SLC5A9: variants seen among roughly 807,000 people sequenced by gnomAD.
SLC5A9 encodes the protein solute carrier family 5 member 9, also known as sodium/glucose cotransporter 4.
Under a neutral mutation model 70.9 loss-of-function variants are expected in SLC5A9, and 59 were observed. The observed-to-expected ratio is 0.83, with a 90% CI of 0.68 to 1.03. SLC5A9 has a LOEUF of 1.03. Ranked by LOEUF, SLC5A9 falls within the 50% of genes least tolerant of loss-of-function variation. SLC5A9 has a pLI of 0.00. For synonymous variants in SLC5A9, 340 were observed against 346.5 expected (o/e 0.98, Z 0.21); for missense variants, 832 against 881.1 (o/e 0.94, Z 0.71).
chr1:48,237,031 G>A (rs1644335807), intron 10 of SLC5A9, among the ~76,000 whole-genome samples: 1 of 152,124 alleles, frequency 6.6e-6, no homozygotes. Context: ...CAATCAGTGA[G>A]GTTTGTGCTC....
chr1:48,239,855 G>A lies in SLC5A9; in HGVS notation c.1677+318G>A, dbSNP rs1241751092. Among the ~76,000 whole-genome samples the A allele has an allele frequency of 6.6e-6, 1 of 152,228 alleles. No homozygotes were observed. The highest frequency in any genetic ancestry group is 1.5e-5 in the Non-Finnish European group (1 of 68,044). On this transcript the variant is annotated intron_variant, in intron 12 of 13. Transcript: ENST00000438567. The surrounding 1 kb of genome is among the most constrained non-coding windows in gnomAD (Gnocchi z 4.2). ...TATCACTATACAAAGAGAAAGTGCA[G>A]AAGGACCAAGCTCAACCAGAGGGGC... is the stretch of plus-strand genomic sequence containing the variant.
chr1:48,239,347 G>C lies in SLC5A9; in HGVS notation c.1487G>C (p.Gly496Ala), dbSNP rs186369129. The C allele has an allele frequency of 1.2e-6, 2 of 1,612,754 alleles. No individual in the cohort carries two copies. Among genetic ancestry groups the C allele is most frequent in the East Asian group, 4.5e-5 (2 of 44,824 alleles). Residue 496 changes from glycine (G) to alanine (A), a missense_variant, in exon 12 of 14, where the codon GGC (glycine) becomes GCC (alanine). Physicochemically the swap from Gly to Ala is moderately conservative, Grantham distance 60. Coordinates refer to ENST00000438567, the MANE Select transcript of SLC5A9 (RefSeq NM_001011547.3). This position sits in a 1 kb window ranked among gnomAD's most constrained non-coding sequence, Gnocchi z 4.2. Reference protein sequence around the residue: ...EPGAFWGLVFGLGVGLLRMIL... With the variant: ...EPGAFWGLVFALGVGLLRMIL... The stretch of plus-strand genomic sequence containing the variant: ...GGAGCTTTCTGGGGCCTCGTGTTTG[G>C]CCTGGGAGTGGGGCTTCTGCGTATG...
rs375041215 is a variant in SLC5A9, at chr1:48,229,304, C to T, written c.349C>T (p.Leu117=). The change falls in exon 4 of 14, where the codon CTG becomes TTG. Residue 117 remains leucine (L), a synonymous_variant. Coordinates refer to ENST00000438567, the MANE Select transcript of SLC5A9 (RefSeq NM_001011547.3). ...VGGFEWNATW[L]LLALGWVFVP... Reference sequence around the variant, plus strand: ...CTCCCCACTCTCCCAGGCAACCTGGCTGCTCCTGGCCCTTGGCTGGGTCTT... The same window carrying T: ...CTCCCCACTCTCCCAGGCAACCTGGTTGCTCCTGGCCCTTGGCTGGGTCTT... The T allele has an allele frequency of 9.3e-6, 15 of 1,614,082 alleles. No individual in the cohort carries two copies. In the African/African-American group the frequency reaches 1.9e-4, roughly 20 times the overall value.
intron 4 of SLC5A9, 27 bp from the exon 5 acceptor site, chr1:48,230,573 G>C (rs1644233578): frequency 6.3e-7 from 1 of 1,583,318 alleles, no homozygotes; most frequent in Non-Finnish European, 8.7e-7. Context: ...CGGGTGGTCT[G>C]GCCTCTTGGG....
At chr1:48,242,986 G>A (rs1422835261) in intron 13 of SLC5A9, among the ~76,000 whole-genome samples, 1 of 120,252 alleles carries the variant, frequency 8.3e-6, no homozygotes, top group African/African-American at 2.7e-5. Context: ...GTAAAGAAGG[G>A]CATGGCTGAG....
rs776880116 is a variant in SLC5A9, at chr1:48,228,535, C to T, written c.235-315C>T. On this transcript the variant is annotated intron_variant, in intron 2 of 13. Transcript: ENST00000438567. The stretch of plus-strand genomic sequence containing the variant: ...CTTTGGAGGCCCTCAGACCCATGGC[C>T]TCAGGGCGGAGGTCCACACTCCCCA... 4 of 327,896 alleles carry T rather than the reference C, an allele frequency of 1.2e-5. No homozygotes were observed. The East Asian group carries it at 2.2e-4, about 18-fold the overall frequency. 20.3% of individuals were successfully genotyped at this position (327,896 alleles called of 1,614,324 possible). A position where few individuals can be genotyped will look rare whatever the true frequency, so the allele number is the denominator to read the frequency against.
chr1:48,227,160 TGTCA>T (rs1295110064), intron 2 of SLC5A9, among the ~76,000 whole-genome samples: 1 of 137,260 alleles, frequency 7.3e-6, no homozygotes, highest in African/African-American at 2.6e-5. Context: ...TGAGTGTGTG[TGTCA>T]GAGTGTGTGT....
In SLC5A9 at chr1:48,242,573, T is replaced by C. The variant is rs746868514; in HGVS notation, c.1794T>C (p.Gly598=). 6.8e-6 allele frequency: 11 copies of C among 1,611,842 alleles called. No individual in the cohort carries two copies. In the East Asian group the frequency reaches 2.5e-4, roughly 36 times the overall value. Residue 598 remains glycine, a synonymous_variant, in exon 13 of 14, where the codon GGT becomes GGC. Coordinates refer to ENST00000438567, the MANE Select transcript of SLC5A9 (RefSeq NM_001011547.3). ...CAGCCGGGGAGTGCCCTGCAGGAGG[T>C]GGAGCGGCAGAGAACTCGAGCCTGG... ...ERPAGECPAG[G]GAAENSSLGQ...
At chr1:48,228,661 C>T (rs1223540162) in intron 2 of SLC5A9, 189 bp from the exon 3 acceptor site, 4 of 919,946 alleles carry the variant, frequency 4.3e-6, no homozygotes, top group Non-Finnish European at 6.3e-6. Flanking sequence ...TTAGTTCCTT[C>T]CTCTGTAACC....
At chr1:48,237,643 C>CCACACCACACCCACT in intron 10 of SLC5A9, 36 bp from the exon 11 acceptor site, 1 of 1,604,994 alleles carries the variant, frequency 6.2e-7, no homozygotes, top group Non-Finnish European at 8.5e-7. Flanking sequence ...CATGCCCACC[C>CCACACCACACCCACT]GAGTGTGCCT....
In SLC5A9 at chr1:48,232,479, T is replaced by C; in HGVS notation, c.1010T>C (p.Met337Thr). The C allele has an allele frequency of 1.9e-6, 3 of 1,614,194 alleles. No homozygotes were observed. In the South Asian group the frequency reaches 3.3e-5, roughly 18 times the overall value. Residue 337 changes from methionine (M) to threonine (T), a missense_variant, in exon 8 of 14, where the codon ATG (methionine) becomes ACG (threonine). By Grantham distance (81) the Met-to-Thr change is moderately conservative. Coordinates refer to ENST00000438567, the MANE Select transcript of SLC5A9 (RefSeq NM_001011547.3). ...LPMFFIVMPG[M>T]ISRALFPDEV... The stretch of plus-strand genomic sequence containing the variant: ...ATGTTCTTCATCGTCATGCCTGGCA[T>C]GATCAGCCGGGCCCTGTTCCCAGGT...
At chr1:48,244,340 C>T (rs1355719469) in intron 13 of SLC5A9, among the ~76,000 whole-genome samples, 3 of 152,146 alleles carry the variant, frequency 2.0e-5, no homozygotes, top group South Asian at 2.1e-4. Context: ...ACTCAGTTCT[C>T]GTGACTTTGC....
intron 13 of SLC5A9, among the ~76,000 whole-genome samples, chr1:48,245,897 G>C (rs1222297821): frequency 1.3e-5 from 2 of 151,742 alleles, no homozygotes; most frequent in Non-Finnish European, 2.9e-5. Context: ...GGAGGTTGAG[G>C]CTACAGTGAG....
At chr1:48,230,008 G>T (rs1279733231) in intron 4 of SLC5A9, among the ~76,000 whole-genome samples, 1 of 152,196 alleles carries the variant, frequency 6.6e-6, no homozygotes, top group Non-Finnish European at 1.5e-5. Flanking sequence ...GAATCACTCC[G>T]TTGCCAGGTC....
chr1:48,231,904 C>T, intron 6 of SLC5A9, 42 bp from the exon 7 acceptor site: 1 of 1,612,196 alleles, frequency 6.2e-7, no homozygotes. Flanking sequence ...GTGACAGGCT[C>T]AGTGGGGTTT....
Position 48,239,418 on chromosome 1 carries a change from C to CGGA in SLC5A9, c.1561_1563dup (p.Arg521dup). On this transcript the variant is annotated inframe_insertion, in exon 12 of 14. Transcript: ENST00000438567. This position sits in a 1 kb window ranked among gnomAD's most constrained non-coding sequence, Gnocchi z 4.2. ...AGCGCCAGCCTGTGGGGAGGTGGAC[C>CGGA]GGAGGCCAGCAGTGCTGAAGGACTT... 3 of 1,614,144 alleles carry CGGA rather than the reference C, an allele frequency of 1.9e-6. No homozygotes were observed. Among genetic ancestry groups the CGGA allele is most frequent in the Non-Finnish European group, 2.5e-6 (3 of 1,180,022 alleles).
At chr1:48,235,916 C>CT in intron 10 of SLC5A9, 37 bp downstream of exon 10, 1 of 1,613,076 alleles carries the variant, frequency 6.2e-7, no homozygotes, top group Non-Finnish European at 8.5e-7. Flanking sequence ...CCGAAGTGCC[C>CT]TCTCCCCTCT....
chr1:48,248,271 C>A lies in SLC5A9; in HGVS notation c.*728C>A, dbSNP rs1053743573. The A allele has an allele frequency of 2.0e-5, 3 of 152,356 alleles. No individual in the cohort carries two copies. The East Asian group carries it at 5.8e-4, about 29-fold the overall frequency. The allele number at this position is 152,356 out of a possible 1,614,324, so 9.4% of individuals were successfully genotyped here. A position where few individuals can be genotyped will look rare whatever the true frequency, so the allele number is the denominator to read the frequency against. On this transcript the variant is annotated 3_prime_UTR_variant, in exon 14 of 14. Transcript: ENST00000438567. Reference sequence around the variant, plus strand: ...TTGAGAAGCAGTTGGAGAGACATGACTTGTTAAAACCTCAAGGAATCAAGA... The same window carrying A: ...TTGAGAAGCAGTTGGAGAGACATGAATTGTTAAAACCTCAAGGAATCAAGA...
In SLC5A9 at chr1:48,235,527, A is replaced by G. The variant is rs1323601756; in HGVS notation, c.1142-202A>G. On this transcript the variant is annotated intron_variant, in intron 9 of 13. Transcript: ENST00000438567. The stretch of plus-strand genomic sequence containing the variant: ...CCCAAGGCCACATAGCAAGGCAGGG[A>G]CAGAGCCTGGGCAGAACCCAGCCTC... 2.6e-5 allele frequency among the ~76,000 whole-genome samples: 4 copies of G among 152,140 alleles called. 1 individual carries two copies. The South Asian group carries it at 8.3e-4, about 31-fold the overall frequency.
Sources: gnomAD v4.1 joint callset for allele counts (sites outside exome capture counted in the v4.1 genomes callset) on GRCh38, gnomAD v4.1.1 for gene constraint, Gnocchi (gnomAD v3.1) non-coding constraint, MANE v1.5 for transcripts, NCBI Gene and HGNC (gene_info 2026-07-23, HGNC 2026-07-21) for gene names.